MTAP: variants seen among roughly 807,000 people sequenced by gnomAD.
MTAP encodes S-methyl-5'-thioadenosine phosphorylase.
Under a neutral mutation model 33.6 loss-of-function variants are expected in MTAP, and 33 were observed. The ratio of observed to expected loss-of-function variants is 0.98; its 90% CI spans 0.74 to 1.31. MTAP has a LOEUF of 1.31. Among genes scored for constraint, MTAP ranks in the 40% most tolerant of loss-of-function variants. The pLI, the probability that MTAP is intolerant of heterozygous loss-of-function variation, is 0.00. For missense variants in MTAP, 367 were observed against 360.0 expected, an observed-to-expected ratio of 1.02 and a Z score of -0.16; for synonymous variants, 148 against 125.7, an observed-to-expected ratio of 1.18 and a Z score of -1.19.
intron 2 of MTAP, among the ~76,000 whole-genome samples, chr9:21,816,240 G>C (rs561393198): frequency 6.6e-6 from 1 of 152,228 alleles, no homozygotes; most frequent in Admixed American, 6.5e-5. Context: ...AAACCCCTCG[G>C]TTCTAAGGGT....
intron 1 of MTAP, among the ~76,000 whole-genome samples, chr9:21,908,605 G>T (rs1818513411): frequency 6.6e-6 from 1 of 152,028 alleles, no homozygotes; most frequent in Non-Finnish European, 1.5e-5. Flanking sequence ...GACAATCTCT[G>T]TCTTTTAATT....
chr9:21,859,134 C>G, intron 6 of MTAP, 169 bp from the exon 7 acceptor site: 1 of 900,848 alleles, frequency 1.1e-6, no homozygotes, highest in Non-Finnish European at 1.6e-6. Context: ...CTAATTGCCT[C>G]CCAAATGCCC....
chr9:21,913,914 G>A (rs1035084371), intron 1 of MTAP, among the ~76,000 whole-genome samples: 13 of 152,184 alleles, frequency 8.5e-5, no homozygotes, highest in Middle Eastern at 3.4e-3. Flanking sequence ...AATCCACAAC[G>A]AACTCAAACA....
chr9:21,834,432 G>A (rs900994142), intron 4 of MTAP, among the ~76,000 whole-genome samples: 2 of 152,230 alleles, frequency 1.3e-5, no homozygotes, highest in African/African-American at 4.8e-5. Context: ...GCAAGAGGAA[G>A]AAGCAGACCT....
At chr9:21,826,232 G>C (rs188609179) in intron 4 of MTAP, among the ~76,000 whole-genome samples, 185 of 146,178 alleles carry the variant, frequency 1.3e-3, no homozygotes, top group African/African-American at 4.6e-3. Context: ...TATTTCCTTA[G>C]TATTAGATAT....
chr9:21,894,733 C>A (rs1448379574), intron 1 of MTAP, among the ~76,000 whole-genome samples: 1 of 151,536 alleles, frequency 6.6e-6, no homozygotes, highest in Non-Finnish European at 1.5e-5. Flanking sequence ...TACCCTAGAA[C>A]TCAAAGTGTA....
At chr9:21,895,440 C>G (rs989377371) in intron 1 of MTAP, among the ~76,000 whole-genome samples, 11 of 152,192 alleles carry the variant, frequency 7.2e-5, no homozygotes, top group African/African-American at 2.7e-4. Context: ...TTCTGTATTT[C>G]CAACTGAGGT....
intron 1 of MTAP, chr9:21,893,495 A>C (rs1473688784): frequency 6.6e-6 from 1 of 152,166 alleles, no homozygotes; most frequent in Admixed American, 6.5e-5. Flanking sequence ...AATAAGATTG[A>C]AAGAGTGCTT....
intron 1 of MTAP, among the ~76,000 whole-genome samples, chr9:21,918,266 C>T (rs1007503700): frequency 8.3e-6 from 1 of 121,040 alleles, no homozygotes; most frequent in Non-Finnish European, 1.6e-5. Flanking sequence ...AGGAGAATGG[C>T]GTGAACCCGG....
intron 4 of MTAP, among the ~76,000 whole-genome samples, chr9:21,836,122 G>T (rs573602083): frequency 5.3e-5 from 8 of 152,198 alleles, no homozygotes; most frequent in African/African-American, 1.9e-4. Context: ...AGTTATCTGG[G>T]CATCTTGGTT....
chr9:21,824,776 T>G (rs896778843), intron 4 of MTAP, among the ~76,000 whole-genome samples: 1 of 152,158 alleles, frequency 6.6e-6, no homozygotes, highest in Non-Finnish European at 1.5e-5. Context: ...GCCACTTTGT[T>G]TACCTACTCA....
intron 1 of MTAP, among the ~76,000 whole-genome samples, chr9:21,914,158 T>C (rs1340404296): frequency 6.6e-6 from 1 of 152,104 alleles, no homozygotes; most frequent in African/African-American, 2.4e-5. Flanking sequence ...TGTGGAGAAA[T>C]AGGAACACTT....
rs115997875 is a variant in MTAP at position 21,857,969 on chromosome 9, A to G, written c.691-1334A>G. Among the ~76,000 whole-genome samples the G allele has an allele frequency of 3.0e-3, 458 of 152,270 alleles. 2 individuals are homozygous for G. Among genetic ancestry groups the G allele is most frequent in the African/African-American group, 0.011 (443 of 41,548 alleles). ...TATAAATTGGTAGCTAGATTTAGAAATTTAATCAGATTCAGGTGTCTTAAG... is the reference window on the plus strand; with the variant it reads ...TATAAATTGGTAGCTAGATTTAGAAGTTTAATCAGATTCAGGTGTCTTAAG... On this transcript the variant is annotated intron_variant, in intron 6 of 7. Coordinates refer to ENST00000644715, the MANE Select transcript of MTAP (RefSeq NM_002451.4).
chr9:21,853,661 TTAA>T lies in MTAP; in HGVS notation c.451-968_451-966del, dbSNP rs1825567781. Among the ~76,000 whole-genome samples the T allele has an allele frequency of 4.6e-5, 7 of 152,228 alleles. No individual in the cohort carries two copies. In the South Asian group the frequency reaches 1.4e-3, roughly 31 times the overall value. On this transcript the variant is annotated intron_variant, in intron 5 of 7. Coordinates refer to ENST00000644715, the MANE Select transcript of MTAP (RefSeq NM_002451.4). ...CAAATATGTGTAGAAGCTGCCAGTA[TTAA>T]TGATTGTTAGAAGACCAGCTTAGTG... is the stretch of plus-strand genomic sequence containing the variant.
At position 21,881,206 on chromosome 9, in the gene MTAP, A is replaced by G. The variant is rs182237496; in HGVS notation, c.147+26336A>G. On this transcript the variant is annotated intron_variant, in intron 1 of 1. Coordinates refer to the MTAP transcript ENST00000577563. ...GCTATTGTGAAAACTGGATATGCAAATGCAAAAGAATGAAGTTGGACTCTT... is the reference window on the plus strand; with the variant it reads ...GCTATTGTGAAAACTGGATATGCAAGTGCAAAAGAATGAAGTTGGACTCTT... 2.6e-3 allele frequency among the ~76,000 whole-genome samples: 394 copies of G among 152,246 alleles called. 1 individual carries two copies. Among genetic ancestry groups the G allele is most frequent in the African/African-American group, 3.9e-3 (163 of 41,576 alleles).
At chr9:21,811,400 C>G (rs1366993088) in intron 1 of MTAP, among the ~76,000 whole-genome samples, 1 of 152,194 alleles carries the variant, frequency 6.6e-6, no homozygotes, top group Non-Finnish European at 1.5e-5. Context: ...AATGCTTTCA[C>G]AGTCTCAGAG....
intron 1 of MTAP, among the ~76,000 whole-genome samples, chr9:21,907,167 G>C (rs1235599122): frequency 6.6e-6 from 1 of 152,196 alleles, no homozygotes; most frequent in Non-Finnish European, 1.5e-5. Context: ...TGTGAACCCG[G>C]TGGTGGTCAG....
chr9:21,861,938 C>A, intron 7 of MTAP, 38 bp from the exon 8 acceptor site: 1 of 1,184,902 alleles, frequency 8.4e-7, no homozygotes, highest in Non-Finnish European at 1.3e-6. Flanking sequence ...GTAATTACGC[C>A]AACATGTGAA....
chr9:21,911,216 G>A (rs1818570720), intron 1 of MTAP, among the ~76,000 whole-genome samples: 1 of 152,092 alleles, frequency 6.6e-6, no homozygotes, highest in African/African-American at 2.4e-5. Flanking sequence ...ACATTAGACA[G>A]ATCAATGAGA....
Sources: gnomAD v4.1 joint callset for allele counts (sites outside exome capture counted in the v4.1 genomes callset) on GRCh38, gnomAD v4.1.1 for gene constraint, MANE v1.5 for transcripts, NCBI Gene and HGNC (gene_info 2026-07-23, HGNC 2026-07-21) for gene names.